ATL3: variants seen among roughly 807,000 people sequenced by gnomAD.
The protein encoded by ATL3 is atlastin GTPase 3, also known as atlastin-3.
Under a neutral mutation model 69.5 loss-of-function variants are expected in ATL3, and 49 were observed. The observed-to-expected ratio is 0.71, with a 90% confidence interval of 0.56 to 0.89. The LOEUF (loss-of-function observed/expected upper bound fraction) is 0.89. Ranked by LOEUF, ATL3 falls within the 40% of genes least tolerant of loss-of-function variation. The pLI is 0.00. For synonymous variants in ATL3, 214 were observed against 224.1 expected, an observed-to-expected ratio of 0.95 and a Z score of 0.40; for missense variants, 606 against 645.7, an observed-to-expected ratio of 0.94 and a Z score of 0.67.
Position 63,669,016 on chromosome 11 carries a change from G to GT in ATL3, c.46+2273_46+2274insA, listed in dbSNP as rs1590749575. 2.2e-5 allele frequency among the ~76,000 whole-genome samples: 3 copies of GT among 138,680 alleles called. 1 individual carries two copies. 91.0% of individuals were successfully genotyped at this position (138,680 alleles called of 152,430 possible). A position where few individuals can be genotyped will look rare whatever the true frequency, so the allele number is the denominator to read the frequency against. ...CTTTTTTTTAATTTTTTTTTGGGTG[G>GT]GGGGGGGCGTCTCACCATGTTGGCC... On this transcript the variant is annotated intron_variant, in intron 1 of 12. Transcript: ENST00000398868.
At chr11:63,659,735 G>C (rs531442375) in intron 1 of ATL3, among the ~76,000 whole-genome samples, 8 of 152,090 alleles carry the variant, frequency 5.3e-5, no homozygotes, top group Non-Finnish European at 1.2e-4. Context: ...AGGAGTTCAA[G>C]ACCAGCCTGG....
At position 63,671,130 on chromosome 11, in the gene ATL3, C is replaced by G. The variant is rs555225541; in HGVS notation, c.46+160G>C. Among the ~76,000 whole-genome samples, 6 of 152,356 alleles carry G rather than the reference C, an allele frequency of 3.9e-5. No individual in the cohort carries two copies. The East Asian group carries it at 7.7e-4, about 20-fold the overall frequency. On this transcript the variant is annotated intron_variant, in intron 1 of 12. Coordinates refer to ENST00000398868, the MANE Select transcript of ATL3 (RefSeq NM_015459.5). Reference sequence around the variant, plus strand: ...AGCTGGGCCCGAAGAGGGGCCCCCCCACCACAAATTCGGAAACCGAGTGAC... The same window carrying G: ...AGCTGGGCCCGAAGAGGGGCCCCCCGACCACAAATTCGGAAACCGAGTGAC...
In ATL3 at chr11:63,659,252, T is replaced by C. The variant is rs1394054261; in HGVS notation, c.47A>G (p.Asp16Gly). ...AGGCTTGCTGCTCTCCATGGCATCA[T>C]CTATGTTCATGCAGAGAAAAAAAAT... ...RVAAAASRGA[D>G]DAMESSKPGP... is the part of the protein sequence containing the mutation. The change falls in exon 2 of 13, where the codon GAT becomes GGT. Residue 16 changes from aspartate (D) to glycine (G), a missense_variant and splice_region_variant. Transcript: ENST00000398868. 1.9e-6 allele frequency: 3 copies of C among 1,613,512 alleles called. No individual in the cohort carries two copies. The highest frequency in any genetic ancestry group is 2.2e-5 in the South Asian group (2 of 91,066).
chr11:63,665,230 A>G (rs1311163342), intron 1 of ATL3, among the ~76,000 whole-genome samples: 1 of 151,962 alleles, frequency 6.6e-6, no homozygotes, highest in African/African-American at 2.4e-5. Flanking sequence ...CTGTAATCCC[A>G]GCTACTCGGG....
At chr11:63,651,680 T>C (rs192982702) in intron 5 of ATL3, among the ~76,000 whole-genome samples, 1 of 152,316 alleles carries the variant, frequency 6.6e-6, no homozygotes, top group East Asian at 1.9e-4. Flanking sequence ...TCCTCTCCTG[T>C]AATAGTTTTC....
chr11:63,632,578 TC>T, intron 11 of ATL3: 2 of 839,780 alleles, frequency 2.4e-6, no homozygotes, highest in Non-Finnish European at 4.2e-6. Context: ...AGGTGATAAA[TC>T]TACAGAATTC....
chr11:63,669,767 T>A (rs1940715534), intron 1 of ATL3, among the ~76,000 whole-genome samples: 1 of 151,908 alleles, frequency 6.6e-6, no homozygotes, highest in Non-Finnish European at 1.5e-5. Context: ...GCCAACGTGG[T>A]GAAACCCCGT....
intron 10 of ATL3, among the ~76,000 whole-genome samples, chr11:63,633,552 A>C (rs1443489409): frequency 1.3e-5 from 2 of 151,666 alleles, no homozygotes; most frequent in African/African-American, 4.8e-5. Context: ...CTAACTTTTT[A>C]AGTTTTTGTT....
rs1939144417 is a variant in ATL3 at position 63,627,262 on chromosome 11, T to A, written c.*2057A>T. The stretch of plus-strand genomic sequence containing the variant: ...AGAGAGATAAGAGGTCACCTGAAAA[T>A]GCACCAACATTTCAGAAGCAAGCTT... On this transcript the variant is annotated 3_prime_UTR_variant, in exon 13 of 13. Coordinates refer to ENST00000398868, the MANE Select transcript of ATL3 (RefSeq NM_015459.5). The A allele has an allele frequency of 2.0e-5, 3 of 152,270 alleles. No homozygotes were observed. The highest frequency in any genetic ancestry group is 3.9e-4 in the East Asian group (2 of 5,182). 9.4% of individuals were successfully genotyped at this position (152,270 alleles called of 1,614,324 possible). A position where few individuals can be genotyped will look rare whatever the true frequency, so the allele number is the denominator to read the frequency against.
At chr11:63,644,758 T>C (rs1279233223) in intron 6 of ATL3, among the ~76,000 whole-genome samples, 1 of 152,136 alleles carries the variant, frequency 6.6e-6, no homozygotes, top group Admixed American at 6.6e-5. Context: ...AAGCCAAATA[T>C]GAGGTCAATA....
intron 9 of ATL3, 46 bp downstream of exon 9, chr11:63,636,161 G>A (rs368749803): frequency 3.4e-4 from 537 of 1,587,974 alleles, no homozygotes; most frequent in South Asian, 8.4e-4. Flanking sequence ...AGTGAGATCA[G>A]CTTTACCAAA....
intron 5 of ATL3, chr11:63,650,505 A>G (rs551377579): frequency 4.6e-5 from 7 of 152,234 alleles, no homozygotes; most frequent in African/African-American, 1.7e-4. Flanking sequence ...ATTCTTACGG[A>G]TTTCCAGGCA....
Position 63,643,379 on chromosome 11 carries a change from A to G in ATL3, c.828T>C (p.Pro276=). 6.2e-7 allele frequency: 1 copy of G among 1,609,786 alleles called. No individual in the cohort carries two copies. The highest frequency in any genetic ancestry group is 1.3e-5 in the African/African-American group (1 of 74,934). The part of the protein sequence containing the change: ...PHPGLQVATS[P]DFDGKLKDIA... Reference sequence around the variant, plus strand: ...CACCTTTTAATTTCCCATCAAAGTCAGGGCTTGTGGCCACCTGGAGTCCTG... The same window carrying G: ...CACCTTTTAATTTCCCATCAAAGTCGGGGCTTGTGGCCACCTGGAGTCCTG... The change falls in exon 8 of 13, where the codon CCT becomes CCC. Residue 276 remains proline, a synonymous_variant. Transcript: ENST00000398868.
chr11:63,636,106 G>A, intron 9 of ATL3, 101 bp downstream of exon 9: 1 of 1,488,348 alleles, frequency 6.7e-7, no homozygotes. Flanking sequence ...ATCTCCCCCA[G>A]AAAATTTTTA....
intron 1 of ATL3, among the ~76,000 whole-genome samples, chr11:63,668,775 G>A (rs1590749259): frequency 7.4e-6 from 1 of 135,084 alleles, no homozygotes; most frequent in African/African-American, 2.7e-5. Flanking sequence ...CCAAAGGTTT[G>A]AATTAGCTGT....
At chr11:63,636,992 T>C (rs1250212670) in intron 8 of ATL3, among the ~76,000 whole-genome samples, 1 of 151,846 alleles carries the variant, frequency 6.6e-6, no homozygotes, top group Non-Finnish European at 1.5e-5. Flanking sequence ...TTTAAAGAAT[T>C]TGATGGCCGT....
rs1940365200 is a variant in ATL3, at chr11:63,659,764, A to G, written c.47-512T>C. On this transcript the variant is annotated intron_variant, in intron 1 of 12. Transcript: ENST00000398868. ...AGCCTGGCCAACATGACGAAACCCCATCTCTACCAACAAATACAAAAATTA... is the reference window on the plus strand; with the variant it reads ...AGCCTGGCCAACATGACGAAACCCCGTCTCTACCAACAAATACAAAAATTA... 1.3e-5 allele frequency among the ~76,000 whole-genome samples: 2 copies of G among 151,864 alleles called. 1 individual carries two copies. The highest frequency in any genetic ancestry group is 3.9e-4 in the East Asian group (2 of 5,160).
chr11:63,646,089 A>G (rs966601097), intron 6 of ATL3, among the ~76,000 whole-genome samples: 1 of 151,322 alleles, frequency 6.6e-6, no homozygotes, highest in Non-Finnish European at 1.5e-5. Context: ...ATGTCTTGCT[A>G]TGTTGCCCAG....
At chr11:63,635,615 C>T in intron 9 of ATL3, 25 bp from the exon 10 acceptor site, 2 of 1,526,578 alleles carry the variant, frequency 1.3e-6, no homozygotes, top group Non-Finnish European at 1.8e-6. Context: ...ATAAAAACTG[C>T]TATAAAATGT....
Sources: allele counts gnomAD v4.1 joint callset (sites outside exome capture counted in the v4.1 genomes callset), GRCh38; gene constraint gnomAD v4.1.1; transcripts MANE v1.5; gene names NCBI Gene and HGNC (gene_info 2026-07-23, HGNC 2026-07-21).